MYO1C: variants seen among roughly 807,000 people sequenced by gnomAD.
MYO1C encodes the protein unconventional myosin-Ic.
A neutral mutation model predicts 150.8 loss-of-function variants in MYO1C; 104 were observed. The ratio of observed to expected loss-of-function variants is 0.69; its 90% confidence interval spans 0.59 to 0.81. MYO1C has a LOEUF of 0.81. Among genes scored for constraint, MYO1C ranks in the 30% least tolerant of loss-of-function variants. The pLI, the probability that MYO1C is intolerant of heterozygous loss-of-function variation, is 0.00. For synonymous variants in MYO1C, 663 were observed against 579.9 expected, an observed-to-expected ratio of 1.14 and a Z score of -2.06; for missense variants, 1,504 against 1,435.0, an observed-to-expected ratio of 1.05 and a Z score of -0.78.
chr17:1,468,099 C>A lies in MYO1C; in HGVS notation c.2785G>T (p.Asp929Tyr). 1 of 1,613,412 alleles carries A rather than the reference C, an allele frequency of 6.2e-7. No homozygotes were observed. The highest frequency in any genetic ancestry group is 8.5e-7 in the Non-Finnish European group (1 of 1,179,982). ...IQYAVPVVKY[D>Y]RKGYKPRSRQ... is the part of the protein sequence containing the mutation. ...GAGCGAGGCTTGTAGCCCTTGCGGT[C>A]GTATTTCACAACAGGCACCGCATAC... is the stretch of plus-strand genomic sequence containing the variant. The change falls in exon 28 of 32, where the codon GAC becomes TAC. Residue 929 changes from aspartate (D) to tyrosine (Y), a missense_variant. Physicochemically the swap from Asp to Tyr is radical, Grantham distance 160. Transcript: ENST00000648651.
Position 1,492,422 on chromosome 17 carries a change from G to C in MYO1C, c.66C>G (p.Pro22=). The change falls in exon 1 of 32, where the codon CCC becomes CCG. Residue 22 remains proline, a synonymous_variant. Coordinates refer to ENST00000648651, the MANE Select transcript of MYO1C (RefSeq NM_001080779.2). ...EIIRVVHPHR[P]CKLALGSDGV... ...GAGCATCCCAGCTTACAAGCTTGCA[G>C]GGCCTGTGGGGATGAACCACGCGGA... 1 of 1,605,934 alleles carries C rather than the reference G, an allele frequency of 6.2e-7. No homozygotes were observed. The highest frequency in any genetic ancestry group is 8.5e-7 in the Non-Finnish European group (1 of 1,176,576).
Position 1,468,055 on chromosome 17 carries a change from C to T in MYO1C, c.2829G>A (p.Thr943=), listed in dbSNP as rs372887328. ...YKPRSRQLLL[T]PNAVVIVEDA... is the part of the protein sequence containing the mutation. The stretch of plus-strand genomic sequence containing the variant: ...CCTCCACGATGACGACGGCGTTGGG[C>T]GTGAGCAGCAGCTGCCGGGAGCGAG... Residue 943 remains threonine, a synonymous_variant, in exon 28 of 32, where the codon ACG becomes ACA. Transcript: ENST00000648651. 43 of 1,613,148 alleles carry T rather than the reference C, an allele frequency of 2.7e-5. No individual in the cohort carries two copies. Among genetic ancestry groups the T allele is most frequent in the African/African-American group, 5.4e-5 (4 of 74,662 alleles).
intron 31 of MYO1C, among the ~76,000 whole-genome samples, chr17:1,465,971 C>G (rs1358313044): frequency 6.6e-6 from 1 of 151,372 alleles, no homozygotes; most frequent in South Asian, 2.1e-4. Flanking sequence ...CCAGCCCCAG[C>G]GCTCAGATTC....
At position 1,488,470 on chromosome 17, in the gene MYO1C, C is replaced by T. The variant is rs150076236; in HGVS notation, c.75+3943G>A. Among the ~76,000 whole-genome samples, 1,384 of 152,360 alleles carry T rather than the reference C, an allele frequency of 9.1e-3. 8 individuals are homozygous for T. Among genetic ancestry groups the T allele is most frequent in the Middle Eastern group, 0.048 (14 of 294 alleles). ...TGCAGCGCCAGGCGCCTCCTGCGTT[C>T]TCCGCGCTTTCTTGGGTTACTCCTT... is the stretch of plus-strand genomic sequence containing the variant. On this transcript the variant is annotated intron_variant, in intron 1 of 31. Transcript: ENST00000648651.
At chr17:1,488,491 T>G (rs1464430287) in intron 1 of MYO1C, among the ~76,000 whole-genome samples, 2 of 152,194 alleles carry the variant, frequency 1.3e-5, no homozygotes, top group Non-Finnish European at 2.9e-5. Flanking sequence ...CTTGGGTTAC[T>G]CCTTTCAGTG....
intron 3 of MYO1C, 35 bp downstream of exon 3, chr17:1,483,573 CAG>C: frequency 1.3e-6 from 2 of 1,500,880 alleles, no homozygotes; most frequent in Non-Finnish European, 1.8e-6. Flanking sequence ...CAGATGGAGA[CAG>C]AGGGGTCGCT....
intron 1 of MYO1C, among the ~76,000 whole-genome samples, chr17:1,489,566 G>C (rs1298564543): frequency 3.3e-5 from 5 of 152,166 alleles, no homozygotes. Flanking sequence ...TGTGGTCCCA[G>C]CTACTTGGAA....
chr17:1,470,321 A>G lies in MYO1C; in HGVS notation c.2380T>C (p.Phe794Leu). 1.4e-6 allele frequency: 2 copies of G among 1,449,200 alleles called. No homozygotes were observed. The highest frequency in any genetic ancestry group is 1.8e-6 in the Non-Finnish European group (2 of 1,082,794). The allele number at this position is 1,449,200 out of a possible 1,614,324, so 89.8% of individuals were successfully genotyped here. The change falls in exon 24 of 32, where the codon TTC (phenylalanine) becomes CTC (leucine). Residue 794 changes from phenylalanine to leucine, a missense_variant. Phe to Leu is a conservative substitution (Grantham distance 22). Coordinates refer to ENST00000648651, the MANE Select transcript of MYO1C (RefSeq NM_001080779.2). ...CAGCGGGGGGCGTGGCGCAGGACGA[A>G]GCCTCGGATGAGCCTGGGGTGGGGG... ...AQTIRRLIRG[F>L]VLRHAPRCPE...
chr17:1,482,388 C>T lies in MYO1C; in HGVS notation c.627+90G>A. ...CTTTGTTTGACTGCTGGAATTGCAG[C>T]ACCTGGAATAGTCCCTGGTACCCAG... is the stretch of plus-strand genomic sequence containing the variant. On this transcript the variant is annotated intron_variant, in intron 5 of 31. Transcript: ENST00000648651. The T allele has an allele frequency of 4.3e-6, 5 of 1,169,230 alleles. No homozygotes were observed. In the South Asian group the frequency reaches 4.9e-5, roughly 11 times the overall value. 72.4% of individuals were successfully genotyped at this position (1,169,230 alleles called of 1,614,324 possible). A position where few individuals can be genotyped will look rare whatever the true frequency, so the allele number is the denominator to read the frequency against.
intron 25 of MYO1C, 74 bp downstream of exon 25, chr17:1,469,457 C>G: frequency 5.1e-6 from 7 of 1,365,400 alleles, no homozygotes; most frequent in South Asian, 2.5e-5. Context: ...CCCCTCCAGG[C>G]GGACACCCTT....
At chr17:1,467,690 C>A in intron 29 of MYO1C, 113 bp from the exon 30 acceptor site, 1 of 963,330 alleles carries the variant, frequency 1.0e-6, no homozygotes, top group Non-Finnish European at 1.5e-6. Flanking sequence ...CACCCTCCCA[C>A]CTCCCCATCC....
chr17:1,485,533 C>T (rs1381188890), intron 1 of MYO1C, among the ~76,000 whole-genome samples: 3 of 152,124 alleles, frequency 2.0e-5, no homozygotes, highest in Admixed American at 1.3e-4. Context: ...CGTCCCGCGC[C>T]GCCCTCCCCG....
At chr17:1,491,967 G>A (rs935229696) in intron 1 of MYO1C, 1 of 176,848 alleles carries the variant, frequency 5.7e-6, no homozygotes, top group African/African-American at 2.4e-5. Flanking sequence ...CCGGGCCAGG[G>A]CCGCGCTCCC....
rs1001160876 is a variant in MYO1C at position 1,491,679 on chromosome 17, C to T, written c.75+734G>A. ...GGGATCCGCGGCCCGGGCGCACTCT[C>T]CCCGCCCAGGGCCCGCCGGGGGCCG... On this transcript the variant is annotated intron_variant, in intron 1 of 31. Transcript: ENST00000648651. 8 of 979,780 alleles carry T rather than the reference C, an allele frequency of 8.2e-6. No individual in the cohort carries two copies. The South Asian group carries it at 3.3e-4, about 40-fold the overall frequency. 60.7% of individuals were successfully genotyped at this position (979,780 alleles called of 1,614,324 possible).
chr17:1,464,556 T>A lies in MYO1C; in HGVS notation c.*1170A>T, dbSNP rs978326246. 1 of 152,624 alleles carries A rather than the reference T, an allele frequency of 6.6e-6. No individual in the cohort carries two copies. The highest frequency in any genetic ancestry group is 1.5e-5 in the Non-Finnish European group (1 of 68,040). The allele number at this position is 152,624 out of a possible 1,614,324, so 9.5% of individuals were successfully genotyped here. ...CCAGATATACTCTTAAGACATGATG[T>A]GGGTTTTATGGGGCTCCCTGGCTCT... On this transcript the variant is annotated 3_prime_UTR_variant, in exon 32 of 32. Coordinates refer to ENST00000648651, the MANE Select transcript of MYO1C (RefSeq NM_001080779.2).
chr17:1,479,558 C>T lies in MYO1C; in HGVS notation c.1020+34G>A, dbSNP rs777783640. 2.8e-5 allele frequency: 41 copies of T among 1,475,426 alleles called. No individual in the cohort carries two copies. In the Admixed American group the frequency reaches 3.9e-4, roughly 14 times the overall value. 91.4% of individuals were successfully genotyped at this position (1,475,426 alleles called of 1,614,324 possible). A position where few individuals can be genotyped will look rare whatever the true frequency, so the allele number is the denominator to read the frequency against. On this transcript the variant is annotated intron_variant, in intron 8 of 31. Coordinates refer to ENST00000648651, the MANE Select transcript of MYO1C (RefSeq NM_001080779.2). The surrounding 1 kb of genome is among the most constrained non-coding windows in gnomAD (Gnocchi z 4.2). The stretch of plus-strand genomic sequence containing the variant: ...GTGCACCCCCAGCCCCCGCCCCCGC[C>T]GTCCTCCCGTCGCCCTCTGCCCGCC...
At position 1,480,277 on chromosome 17, in the gene MYO1C, T is replaced by C. The variant is rs1378386348; in HGVS notation, c.906+250A>G. On this transcript the variant is annotated intron_variant, in intron 7 of 31. Coordinates refer to ENST00000648651, the MANE Select transcript of MYO1C (RefSeq NM_001080779.2). ...GGCTGGCCAACATGGTGAAACTCCG[T>C]CTCTACTAAAACTACAAAAAATTAG... 2.0e-5 allele frequency among the ~76,000 whole-genome samples: 3 copies of C among 150,004 alleles called. No homozygotes were observed. The East Asian group carries it at 6.0e-4, about 30-fold the overall frequency.
At chr17:1,473,192 T>G (rs931676388) in intron 17 of MYO1C, among the ~76,000 whole-genome samples, 3 of 152,042 alleles carry the variant, frequency 2.0e-5, no homozygotes, top group African/African-American at 7.2e-5. Flanking sequence ...AGAGCGAGAC[T>G]CCGTCTCAAA....
At position 1,464,390 on chromosome 17, in the gene MYO1C, G is replaced by A. The variant is rs1279710499; in HGVS notation, c.*1336C>T. 5.2e-5 allele frequency: 8 copies of A among 152,670 alleles called. No individual in the cohort carries two copies. The highest frequency in any genetic ancestry group is 1.4e-4 in the African/African-American group (6 of 41,466). The allele number at this position is 152,670 out of a possible 1,614,324, so 9.5% of individuals were successfully genotyped here. A position where few individuals can be genotyped will look rare whatever the true frequency, so the allele number is the denominator to read the frequency against. On this transcript the variant is annotated 3_prime_UTR_variant, in exon 32 of 32. Coordinates refer to ENST00000648651, the MANE Select transcript of MYO1C (RefSeq NM_001080779.2). The stretch of plus-strand genomic sequence containing the variant: ...GTCCCCACGCTCCCATGCCAGGGAG[G>A]GGTCAGGGGCCAGAAAAGGCCCTAC...
Sources: allele counts gnomAD v4.1 joint callset (sites outside exome capture counted in the v4.1 genomes callset), GRCh38; gene constraint gnomAD v4.1.1; non-coding constraint Gnocchi (gnomAD v3.1); transcripts MANE v1.5; gene names NCBI Gene and HGNC (gene_info 2026-07-23, HGNC 2026-07-21).